GNAO1: variants seen among roughly 807,000 people sequenced by gnomAD.
The protein encoded by GNAO1 is G protein subunit alpha o1.
For missense variants in GNAO1, 166 were observed against 478.7 expected (o/e 0.35, Z 6.10); for synonymous variants, 164 against 180.7 (o/e 0.91, Z 0.74).
intron 6 of GNAO1, among the ~76,000 whole-genome samples, chr16:56,337,971 CG>C (rs1202791406): frequency 2.6e-5 from 4 of 152,180 alleles, no homozygotes; most frequent in African/African-American, 9.7e-5. Flanking sequence ...AGGCTGGCAC[CG>C]AGGGTTTGAG....
At chr16:56,211,267 G>T in intron 2 of GNAO1, among the ~76,000 whole-genome samples, 1 of 152,234 alleles carries the variant, frequency 6.6e-6, no homozygotes, top group East Asian at 1.9e-4. Flanking sequence ...AGGAAAGTAA[G>T]ATTCAGAGAG....
intron 6 of GNAO1, chr16:56,343,725 C>T: frequency 6.4e-7 from 1 of 1,554,958 alleles, no homozygotes; most frequent in Non-Finnish European, 8.8e-7. Flanking sequence ...GTCCCATGGG[C>T]CTCTCGCCTC....
chr16:56,267,315 C>T (rs2036964676), intron 2 of GNAO1, among the ~76,000 whole-genome samples: 2 of 152,286 alleles, frequency 1.3e-5, no homozygotes, highest in South Asian at 4.1e-4. Flanking sequence ...TTCATGCCTT[C>T]TCCTTGAGTC....
intron 2 of GNAO1, among the ~76,000 whole-genome samples, chr16:56,265,725 T>C (rs143861433): frequency 1.2e-3 from 179 of 152,174 alleles, no homozygotes; most frequent in African/African-American, 4.2e-3. Flanking sequence ...CATTTAAAAG[T>C]GATCCACAAT....
intron 3 of GNAO1, among the ~76,000 whole-genome samples, chr16:56,284,972 A>T (rs1005826089): frequency 6.3e-4 from 96 of 152,194 alleles, no homozygotes; most frequent in African/African-American, 2.1e-3. Flanking sequence ...GCAGGCACTC[A>T]GCCTCCAGGG....
intron 3 of GNAO1, among the ~76,000 whole-genome samples, chr16:56,296,441 G>A (rs2037288955): frequency 6.6e-6 from 1 of 152,168 alleles, no homozygotes; most frequent in Admixed American, 6.5e-5. Flanking sequence ...GAGTTATAGT[G>A]GCCCTCAACA....
At chr16:56,309,524 A>G (rs1214411143) in intron 3 of GNAO1, among the ~76,000 whole-genome samples, 2 of 152,286 alleles carry the variant, frequency 1.3e-5, no homozygotes, top group East Asian at 3.9e-4. Context: ...GGACAAGGAC[A>G]GAGAAGGGAG....
intron 2 of GNAO1, among the ~76,000 whole-genome samples, chr16:56,212,586 G>T (rs116126879): frequency 0.012 from 1,814 of 152,336 alleles, 42 homozygotes; most frequent in African/African-American, 0.042. Flanking sequence ...GAATGAATAG[G>T]ATATAATTGA....
intron 2 of GNAO1, among the ~76,000 whole-genome samples, chr16:56,221,651 C>CAAA (rs11306838): frequency 1.8e-4 from 15 of 83,842 alleles, no homozygotes; most frequent in Admixed American, 4.1e-4. Flanking sequence ...GACTGCATCT[C>CAAA]AAAAAAAAAA....
In GNAO1 at chr16:56,351,826, C is replaced by A. The variant is rs1213078974; in HGVS notation, c.877+289C>A. 6 of 371,222 alleles carry A rather than the reference C, an allele frequency of 1.6e-5. No homozygotes were observed. The highest frequency in any genetic ancestry group is 4.2e-5 in the Admixed American group (1 of 24,004). The allele number at this position is 371,222 out of a possible 1,614,324, so 23.0% of individuals were successfully genotyped here. ...GCAGGACAGGATCACAGGCTTCCCCCTTCCTCCTGGTCACCCTCTAGAAGA... is the reference window on the plus strand; with the variant it reads ...GCAGGACAGGATCACAGGCTTCCCCATTCCTCCTGGTCACCCTCTAGAAGA... On this transcript the variant is annotated intron_variant, in intron 7 of 8. Transcript: ENST00000262493. The surrounding 1 kb of genome is among the most constrained non-coding windows in gnomAD (Gnocchi z 6.1).
At chr16:56,295,553 C>G (rs2037278768) in intron 3 of GNAO1, among the ~76,000 whole-genome samples, 2 of 152,136 alleles carry the variant, frequency 1.3e-5, no homozygotes, top group Admixed American at 1.3e-4. Flanking sequence ...GCTTCTTCTC[C>G]CTTCCACCTT....
chr16:56,284,908 G>T (rs1446758001), intron 3 of GNAO1, among the ~76,000 whole-genome samples: 1 of 152,188 alleles, frequency 6.6e-6, no homozygotes, highest in Admixed American at 6.5e-5. Flanking sequence ...CCTCCACAGC[G>T]TTTGCCATGC....
chr16:56,297,957 C>A (rs1319603242), intron 3 of GNAO1, among the ~76,000 whole-genome samples: 1 of 152,086 alleles, frequency 6.6e-6, no homozygotes, highest in Non-Finnish European at 1.5e-5. Context: ...TCACTTGAGC[C>A]CAGGAGTTTG....
chr16:56,244,055 G>T (rs577828558), intron 2 of GNAO1, among the ~76,000 whole-genome samples: 1 of 152,346 alleles, frequency 6.6e-6, no homozygotes, highest in East Asian at 1.9e-4. Context: ...AGCTGGTACA[G>T]CGGAGGCAGA....
At chr16:56,238,955 C>A (rs2036668583) in intron 2 of GNAO1, among the ~76,000 whole-genome samples, 1 of 152,252 alleles carries the variant, frequency 6.6e-6, no homozygotes, top group Non-Finnish European at 1.5e-5. Flanking sequence ...TTTACTCTCA[C>A]TGTACACTCT....
chr16:56,224,252 C>G (rs1272074362), intron 2 of GNAO1, among the ~76,000 whole-genome samples: 1 of 152,166 alleles, frequency 6.6e-6, no homozygotes, highest in East Asian at 1.9e-4. Context: ...CAGCGTCAGG[C>G]AGAGGAGCTC....
intron 2 of GNAO1, among the ~76,000 whole-genome samples, chr16:56,265,631 G>A (rs895568482): frequency 2.0e-5 from 3 of 152,164 alleles, no homozygotes; most frequent in Non-Finnish European, 4.4e-5. Flanking sequence ...TTGCTTAGCT[G>A]TGTGGGCTAT....
intron 3 of GNAO1, among the ~76,000 whole-genome samples, chr16:56,304,019 A>T (rs2037369209): frequency 6.6e-6 from 1 of 152,196 alleles, no homozygotes; most frequent in African/African-American, 2.4e-5. Flanking sequence ...ACCAAGCCCT[A>T]CCAAGTTCAT....
chr16:56,214,279 C>T (rs528200907), intron 2 of GNAO1, among the ~76,000 whole-genome samples: 2 of 152,304 alleles, frequency 1.3e-5, no homozygotes, highest in Non-Finnish European at 2.9e-5. Flanking sequence ...ACCATGAGCA[C>T]TGAGGCTGTC....
Sources: gnomAD v4.1 joint callset for allele counts (sites outside exome capture counted in the v4.1 genomes callset) on GRCh38, gnomAD v4.1.1 for gene constraint, Gnocchi (gnomAD v3.1) non-coding constraint, MANE v1.5 for transcripts, NCBI Gene and HGNC (gene_info 2026-07-23, HGNC 2026-07-21) for gene names.